ADK: variants seen among roughly 807,000 people sequenced by gnomAD.
The protein encoded by ADK is N6,N6-dimethyladenosine kinase.
ADK carries 24 observed loss-of-function variants against 44.7 expected under a neutral mutation model. That is an observed-to-expected ratio of 0.54 (90% CI 0.39 to 0.76). The LOEUF (loss-of-function observed/expected upper bound fraction) is 0.76, where lower values mean the gene tolerates loss of function less well. ADK is among the 30% of genes least tolerant of loss of function. The pLI is 0.00. For synonymous variants in ADK, 128 were observed against 142.6 expected, an observed-to-expected ratio of 0.90 and a Z score of 0.73; for missense variants, 321 against 425.1, an observed-to-expected ratio of 0.76 and a Z score of 2.15.
At chr10:74,377,020 A>C (rs1419546334) in intron 4 of ADK, among the ~76,000 whole-genome samples, 1 of 152,168 alleles carries the variant, frequency 6.6e-6, no homozygotes, top group Non-Finnish European at 1.5e-5. Flanking sequence ...TGGTGGTTCC[A>C]CTTTTAATGA....
intron 4 of ADK, among the ~76,000 whole-genome samples, chr10:74,378,725 A>G (rs369090192): frequency 4.6e-5 from 7 of 152,198 alleles, no homozygotes; most frequent in South Asian, 4.2e-4. Context: ...ATGAGTGAGG[A>G]TCCATATGGG....
intron 3 of ADK, among the ~76,000 whole-genome samples, chr10:74,302,854 T>TAA (rs5786143): frequency 1.1e-3 from 167 of 150,978 alleles, no homozygotes; most frequent in African/African-American, 2.7e-3. Context: ...AGTTTTTGTT[T>TAA]AAAAAAAAAC....
At chr10:74,398,600 A>T (rs763964254) in intron 6 of ADK, 21 bp downstream of exon 6, 8 of 1,346,428 alleles carry the variant, frequency 5.9e-6, no homozygotes, top group Non-Finnish European at 8.5e-6. Context: ...ACCTAATTCA[A>T]ATCTCTAGTA....
intron 6 of ADK, among the ~76,000 whole-genome samples, chr10:74,477,485 G>A (rs1452479051): frequency 2.0e-5 from 3 of 152,182 alleles, no homozygotes; most frequent in Non-Finnish European, 4.4e-5. Context: ...TGAGATTACA[G>A]TAGTGCACCA....
At chr10:74,337,634 C>T (rs1206527908) in intron 4 of ADK, among the ~76,000 whole-genome samples, 1 of 152,148 alleles carries the variant, frequency 6.6e-6, no homozygotes, top group African/African-American at 2.4e-5. Flanking sequence ...ACTTACACTC[C>T]TCTACTTTTT....
At chr10:74,375,095 G>T (rs1842777789) in intron 4 of ADK, among the ~76,000 whole-genome samples, 1 of 151,972 alleles carries the variant, frequency 6.6e-6, no homozygotes. Context: ...TTATTTTGAT[G>T]ATGTTATAAT....
chr10:74,672,537 C>T (rs1376734774), intron 10 of ADK, among the ~76,000 whole-genome samples: 1 of 152,162 alleles, frequency 6.6e-6, no homozygotes, highest in Non-Finnish European at 1.5e-5. Flanking sequence ...CAGGACTTTA[C>T]TGGTAATACA....
At position 74,448,261 on chromosome 10, in the gene ADK, C is replaced by A. The variant is rs150321896; in HGVS notation, c.555+49682C>A. Among the ~76,000 whole-genome samples the A allele has an allele frequency of 1.7e-3, 255 of 151,920 alleles. 1 individual carries two copies. The highest frequency in any genetic ancestry group is 0.012 in the South Asian group (56 of 4,794). On this transcript the variant is annotated intron_variant, in intron 6 of 10. Transcript: ENST00000539909. ...TTGAGCCCAGGAGTTCAAGTCCAGC[C>A]GGGGCAACCTAGTGAACACTTCCCT...
At chr10:74,471,936 A>G (rs913264112) in intron 6 of ADK, among the ~76,000 whole-genome samples, 15 of 152,154 alleles carry the variant, frequency 9.9e-5, no homozygotes, top group Admixed American at 1.3e-4. Flanking sequence ...TATACATACA[A>G]GATTGTGTTA....
chr10:74,247,208 A>ATT (rs1213270324), intron 3 of ADK, among the ~76,000 whole-genome samples: 1 of 59,318 alleles, frequency 1.7e-5, no homozygotes, highest in Non-Finnish European at 4.0e-5. Flanking sequence ...GCTTTTTTTG[A>ATT]TTTTTTTTTT....
chr10:74,478,105 C>G (rs549404425), intron 6 of ADK, among the ~76,000 whole-genome samples: 1 of 152,242 alleles, frequency 6.6e-6, no homozygotes, highest in African/African-American at 2.4e-5. Context: ...GATAGGGTCT[C>G]ACTTTGTTGT....
intron 7 of ADK, among the ~76,000 whole-genome samples, chr10:74,549,861 G>A (rs1056622658): frequency 6.6e-6 from 1 of 152,108 alleles, no homozygotes; most frequent in Non-Finnish European, 1.5e-5. Flanking sequence ...TTATAATGGG[G>A]CTTTTAATAG....
chr10:74,489,426 C>G (rs1847387320), intron 6 of ADK, among the ~76,000 whole-genome samples: 1 of 151,892 alleles, frequency 6.6e-6, no homozygotes, highest in Non-Finnish European at 1.5e-5. Context: ...AATAACAGCT[C>G]AATGACTTGA....
intron 7 of ADK, among the ~76,000 whole-genome samples, chr10:74,550,975 C>T (rs1850015517): frequency 6.6e-6 from 1 of 152,096 alleles, no homozygotes; most frequent in Non-Finnish European, 1.5e-5. Flanking sequence ...GTAGTTGGAT[C>T]TACAGGGATG....
At chr10:74,575,210 G>T (rs948299352) in intron 7 of ADK, among the ~76,000 whole-genome samples, 1 of 152,082 alleles carries the variant, frequency 6.6e-6, no homozygotes, top group Admixed American at 6.6e-5. Context: ...AATCAGCAAG[G>T]ATTTATTATC....
chr10:74,151,305 G>A lies in ADK; in HGVS notation c.27G>A (p.Lys9=), dbSNP rs1159012729. The change falls in exon 1 of 11, where the codon AAG becomes AAA. Residue 9 remains lysine (K), a synonymous_variant. Transcript: ENST00000539909. ...TGGCAGCTGCTGAGGAGGAGCCGAA[G>A]CCCAAAAAGCTGAAGGTGGAGGCGC... MAAAEEEP[K]PKKLKVEAPQ... 1.9e-6 allele frequency: 3 copies of A among 1,549,542 alleles called. No individual in the cohort carries two copies. Among genetic ancestry groups the A allele is most frequent in the East Asian group, 2.4e-5 (1 of 40,934 alleles).
chr10:74,339,927 T>C (rs1051142865), intron 4 of ADK, among the ~76,000 whole-genome samples: 1 of 152,232 alleles, frequency 6.6e-6, no homozygotes. Flanking sequence ...GTTTCTTTAC[T>C]ATATCAACAC....
intron 6 of ADK, among the ~76,000 whole-genome samples, chr10:74,455,711 T>C (rs936182389): frequency 3.3e-5 from 5 of 152,154 alleles, no homozygotes; most frequent in African/African-American, 4.8e-5. Flanking sequence ...GGTTTCACCA[T>C]GTTGGCCAGG....
intron 4 of ADK, among the ~76,000 whole-genome samples, chr10:74,392,496 G>T (rs1307021639): frequency 6.6e-6 from 1 of 152,026 alleles, no homozygotes; most frequent in East Asian, 1.9e-4. Context: ...CCCATTTTAA[G>T]ATCATGTTAT....
Sources: allele counts gnomAD v4.1 joint callset (sites outside exome capture counted in the v4.1 genomes callset), GRCh38; gene constraint gnomAD v4.1.1; transcripts MANE v1.5; gene names NCBI Gene and HGNC (gene_info 2026-07-23, HGNC 2026-07-21).